CCDC102B: variants seen among roughly 807,000 people sequenced by gnomAD.
CCDC102B encodes the protein coiled-coil domain containing 102B, also known as coiled-coil domain-containing protein 102B.
Under a neutral mutation model 57.4 loss-of-function variants are expected in CCDC102B, and 75 were observed. The ratio of observed to expected loss-of-function variants is 1.31; its 90% CI spans 1.08 to 1.58. The LOEUF is 1.58. CCDC102B is among the 40% of genes most tolerant of loss of function. The pLI, the probability that CCDC102B is intolerant of heterozygous loss-of-function variation, is 0.00. For synonymous variants in CCDC102B, 206 were observed against 201.9 expected (o/e 1.02, Z -0.17); for missense variants, 636 against 582.6 (o/e 1.09, Z -0.94).
chr18:68,769,687 G>A (rs2034577623), intron 2 of CCDC102B, among the ~76,000 whole-genome samples: 1 of 151,830 alleles, frequency 6.6e-6, no homozygotes. Context: ...TAGTAATAAG[G>A]AAGGCTATGA....
intron 4 of CCDC102B, among the ~76,000 whole-genome samples, chr18:68,857,257 A>AAG (rs1568292579): frequency 2.3e-5 from 1 of 43,958 alleles, no homozygotes; most frequent in African/African-American, 5.9e-5. Flanking sequence ...TTTATTATTT[A>AAG]AATATATAAA....
Position 68,749,585 on chromosome 18 carries a change from A to G in CCDC102B, c.-67+32991A>G, listed in dbSNP as rs1475763891. On this transcript the variant is annotated intron_variant, in intron 2 of 3. Coordinates refer to the CCDC102B transcript ENST00000578970. ...TGATTTGGCTCTCTGTTTGTCTGTT[A>G]TTGGTGTATAAGAATGCTTGTGATT... 3.3e-5 allele frequency among the ~76,000 whole-genome samples: 5 copies of G among 152,090 alleles called. No homozygotes were observed. In the East Asian group the frequency reaches 9.7e-4, roughly 29 times the overall value.
chr18:68,850,450 A>G (rs1317144811), intron 4 of CCDC102B, among the ~76,000 whole-genome samples: 1 of 151,948 alleles, frequency 6.6e-6, no homozygotes, highest in Non-Finnish European at 1.5e-5. Flanking sequence ...CAAGATATAT[A>G]TTTCCCAAAG....
At chr18:68,731,592 C>T (rs2032865262) in intron 2 of CCDC102B, among the ~76,000 whole-genome samples, 1 of 150,766 alleles carries the variant, frequency 6.6e-6, no homozygotes, top group South Asian at 2.1e-4. Flanking sequence ...ATTTTAGTGG[C>T]CAGAGGGATA....
At chr18:68,803,431 T>C (rs1017871862) in intron 1 of CCDC102B, among the ~76,000 whole-genome samples, 1 of 152,164 alleles carries the variant, frequency 6.6e-6, no homozygotes, top group Non-Finnish European at 1.5e-5. Context: ...TAAAAGGGAA[T>C]AGAATATTTA....
At chr18:68,964,240 A>T (rs979203971) in intron 6 of CCDC102B, among the ~76,000 whole-genome samples, 2 of 151,884 alleles carry the variant, frequency 1.3e-5, no homozygotes, top group African/African-American at 4.8e-5. Context: ...TGGTTGAACA[A>T]ATTTCCTTTG....
intron 4 of CCDC102B, among the ~76,000 whole-genome samples, chr18:68,855,610 A>G (rs2038347294): frequency 6.6e-6 from 1 of 152,148 alleles, no homozygotes; most frequent in African/African-American, 2.4e-5. Context: ...GTGTATATGA[A>G]TAGTCACTTC....
At chr18:68,983,723 C>G (rs747552588) in intron 6 of CCDC102B, among the ~76,000 whole-genome samples, 3 of 151,920 alleles carry the variant, frequency 2.0e-5, no homozygotes, top group Admixed American at 6.6e-5. Context: ...TCAGAGGAAA[C>G]TTTTTCACTG....
chr18:68,808,709 AC>A (rs2036133442), intron 1 of CCDC102B, among the ~76,000 whole-genome samples: 1 of 151,902 alleles, frequency 6.6e-6, no homozygotes, highest in Non-Finnish European at 1.5e-5. Context: ...CGATCTCCTG[AC>A]CTCTTGATCC....
chr18:68,807,943 G>T (rs753381713), intron 1 of CCDC102B, among the ~76,000 whole-genome samples: 13 of 152,128 alleles, frequency 8.5e-5, no homozygotes, highest in Non-Finnish European at 1.5e-4. Flanking sequence ...CTAACATGGA[G>T]AAAATATGAG....
At chr18:68,793,359 G>A (rs554471453), upstream of CCDC102B, among the ~76,000 whole-genome samples, 12 of 151,958 alleles carry the variant, frequency 7.9e-5, no homozygotes, top group South Asian at 2.5e-3. Flanking sequence ...TGACTTAATT[G>A]GTATTTCTAT....
intron 2 of CCDC102B, among the ~76,000 whole-genome samples, chr18:68,737,889 A>G (rs1040095005): frequency 2.0e-5 from 3 of 152,154 alleles, no homozygotes; most frequent in African/African-American, 7.2e-5. Context: ...GGAATCAGGA[A>G]TGCTGCACCC....
At chr18:68,856,335 C>T (rs553393899) in intron 4 of CCDC102B, among the ~76,000 whole-genome samples, 9 of 152,170 alleles carry the variant, frequency 5.9e-5, no homozygotes, top group African/African-American at 1.9e-4. Flanking sequence ...CTGTTACTCA[C>T]GCTGGAGTGC....
At chr18:68,816,247 T>G (rs781781613) in intron 1 of CCDC102B, among the ~76,000 whole-genome samples, 29 of 152,302 alleles carry the variant, frequency 1.9e-4, no homozygotes, top group Non-Finnish European at 3.7e-4. Flanking sequence ...TTTCAAGTAG[T>G]AAGAATGATT....
At chr18:68,893,268 T>C (rs1362739381) in intron 5 of CCDC102B, among the ~76,000 whole-genome samples, 1 of 152,174 alleles carries the variant, frequency 6.6e-6, no homozygotes, top group African/African-American at 2.4e-5. Context: ...AGTTTTCTTA[T>C]GTTATAAAAA....
At chr18:68,722,962 A>G (rs941137580) in intron 2 of CCDC102B, among the ~76,000 whole-genome samples, 1 of 124,926 alleles carries the variant, frequency 8.0e-6, no homozygotes, top group Non-Finnish European at 1.6e-5. Flanking sequence ...TGGGTTGTGT[A>G]TTAGTCCTTT....
intron 2 of CCDC102B, among the ~76,000 whole-genome samples, chr18:68,763,248 C>T (rs1326309834): frequency 6.6e-6 from 1 of 151,980 alleles, no homozygotes; most frequent in African/African-American, 2.4e-5. Flanking sequence ...ACTGTATTGA[C>T]AGTTGCCATG....
rs756348556 is a variant in CCDC102B at position 68,838,829 on chromosome 18, A to C, written c.730A>C (p.Lys244Gln). 20 of 1,613,896 alleles carry C rather than the reference A, an allele frequency of 1.2e-5. No homozygotes were observed. Among genetic ancestry groups the C allele is most frequent in the Non-Finnish European group, 1.7e-5 (20 of 1,179,962 alleles). ...TGAAACGAAAACTGGGCTGAGACTG[A>C]AAGCAATAAATCTGCCTTTGGAAAA... is the stretch of plus-strand genomic sequence containing the variant. ...NGETKTGLRLKAINLPLENEV... is the reference protein window; with the variant it reads ...NGETKTGLRLQAINLPLENEV... The change falls in exon 3 of 8, where the codon AAA (lysine) becomes CAA (glutamine). Residue 244 changes from lysine (K) to glutamine (Q), a missense_variant. Transcript: ENST00000360242.
At chr18:68,778,732 G>A (rs2034904832) in intron 2 of CCDC102B, among the ~76,000 whole-genome samples, 1 of 152,022 alleles carries the variant, frequency 6.6e-6, no homozygotes, top group African/African-American at 2.4e-5. Context: ...CTAATGTGCT[G>A]GGAACTGGGG....
Sources: allele counts gnomAD v4.1 joint callset (sites outside exome capture counted in the v4.1 genomes callset), GRCh38; gene constraint gnomAD v4.1.1; transcripts MANE v1.5; gene names NCBI Gene and HGNC (gene_info 2026-07-23, HGNC 2026-07-21).